The following DCDC1 variants were observed in gnomAD, a reference collection of about 807,000 sequenced individuals.
DCDC1 encodes doublecortin domain containing 1.
In DCDC1, 200 loss-of-function variants were observed where a neutral mutation model predicts 178.3. The ratio of observed to expected loss-of-function variants is 1.12; its 90% CI spans 1.00 to 1.26. DCDC1 has a LOEUF of 1.26. Ranked by LOEUF, DCDC1 falls within the 50% of genes most tolerant of loss-of-function variation. The probability of loss-of-function intolerance (pLI) is 0.00; values close to 1 mark genes in which losing one functional copy is unlikely to be tolerated. For missense variants in DCDC1, 1,983 were observed against 1,749.2 expected (o/e 1.13, Z -2.38); for synonymous variants, 690 against 604.8 (o/e 1.14, Z -2.07).
chr11:31,322,234 G>T (rs145266430), intron 3 of DCDC1, among the ~76,000 whole-genome samples: 3 of 152,098 alleles, frequency 2.0e-5, no homozygotes, highest in Non-Finnish European at 4.4e-5. Flanking sequence ...TTATGACAGC[G>T]TGCAAAAATG....
chr11:30,895,667 C>T (rs273567), intron 34 of DCDC1, among the ~76,000 whole-genome samples: 87,274 of 151,948 alleles, frequency 0.57, 27,003 homozygotes, highest in Middle Eastern at 0.76. Flanking sequence ...CCCTAATAAG[C>T]ATTTATATGC....
At chr11:30,889,911 A>G (rs1364038074) in intron 36 of DCDC1, among the ~76,000 whole-genome samples, 1 of 152,240 alleles carries the variant, frequency 6.6e-6, no homozygotes, top group African/African-American at 2.4e-5. Context: ...ATTCGAAGAT[A>G]GAGCCTTTAA....
intron 26 of DCDC1, 30 bp from the exon 27 acceptor site, chr11:30,915,741 G>T (rs747768807): frequency 1.3e-6 from 2 of 1,588,050 alleles, no homozygotes; most frequent in South Asian, 2.3e-5. Flanking sequence ...ATTAGTGGCA[G>T]AAAAATGTCC....
intron 37 of DCDC1, among the ~76,000 whole-genome samples, chr11:30,879,559 T>C (rs1342494334): frequency 6.6e-6 from 1 of 152,104 alleles, no homozygotes; most frequent in Non-Finnish European, 1.5e-5. Context: ...GAAGGTAACA[T>C]GGGGAACCTA....
intron 11 of DCDC1, among the ~76,000 whole-genome samples, chr11:31,116,891 GA>G (rs1444028452): frequency 6.6e-6 from 1 of 151,746 alleles, no homozygotes; most frequent in Non-Finnish European, 1.5e-5. Context: ...TTTAAGCCCA[GA>G]AAAGGCATAC....
intron 1 of DCDC1, among the ~76,000 whole-genome samples, chr11:31,343,291 G>T (rs1282608498): frequency 6.6e-6 from 1 of 152,036 alleles, no homozygotes; most frequent in Non-Finnish European, 1.5e-5. Context: ...GCACTCCAAC[G>T]TGGGTGTCAG....
Position 31,293,584 on chromosome 11 carries a change from C to G in DCDC1, c.755-2732G>C, listed in dbSNP as rs189690677. On this transcript the variant is annotated intron_variant, in intron 6 of 38. Coordinates refer to ENST00000684477, the MANE Select transcript of DCDC1 (RefSeq NM_001387274.1). ...ATACTTCACTCACCCAACTGTAGTC[C>G]CAGCCCTGGCTGAAACTGTCTCTTT... Among the ~76,000 whole-genome samples the G allele has an allele frequency of 7.6e-4, 115 of 152,068 alleles. 1 individual carries two copies. The highest frequency in any genetic ancestry group is 6.8e-3 in the Middle Eastern group (2 of 294).
At chr11:31,310,403 C>T (rs1008958706) in intron 3 of DCDC1, among the ~76,000 whole-genome samples, 24 of 132,872 alleles carry the variant, frequency 1.8e-4, no homozygotes, top group African/African-American at 6.1e-4. Flanking sequence ...ACTGCAACAT[C>T]TGCCTCCCAG....
intron 9 of DCDC1, among the ~76,000 whole-genome samples, chr11:31,202,436 T>C (rs532771636): frequency 6.7e-6 from 1 of 149,268 alleles, no homozygotes; most frequent in Admixed American, 6.7e-5. Flanking sequence ...TTGACTGTGG[T>C]GGCATTTGCT....
intron 9 of DCDC1, among the ~76,000 whole-genome samples, chr11:31,235,053 C>G (rs758929816): frequency 6.6e-6 from 1 of 151,908 alleles, no homozygotes; most frequent in Non-Finnish European, 1.5e-5. Flanking sequence ...ATATTTCTAC[C>G]CAATATGATT....
chr11:31,130,331 C>T (rs1962265782), intron 10 of DCDC1, among the ~76,000 whole-genome samples: 2 of 152,098 alleles, frequency 1.3e-5, no homozygotes, highest in Admixed American at 1.3e-4. Flanking sequence ...CATCAGAATT[C>T]CTATGTGATT....
chr11:30,899,677 A>G, intron 33 of DCDC1, 35 bp from the exon 34 acceptor site: 1 of 1,413,168 alleles, frequency 7.1e-7, no homozygotes, highest in Non-Finnish European at 9.4e-7. Context: ...TTTTATCAAC[A>G]GTAATTTATC....
At chr11:31,044,659 C>T (rs1379770866) in intron 20 of DCDC1, among the ~76,000 whole-genome samples, 2 of 151,940 alleles carry the variant, frequency 1.3e-5, no homozygotes, top group Non-Finnish European at 2.9e-5. Context: ...TGAATTTGAC[C>T]AACACACTGG....
At position 30,922,547 on chromosome 11, in the gene DCDC1, T is replaced by C; in HGVS notation, c.3089A>G (p.Asp1030Gly). ...KQIFLRNLES[D>G]IAKIQIFCST... ...GCAGAAGATTTGAATTTTGGCAATG[T>C]CTGATTCTAGGTTCCTCAGGAATAT... is the stretch of plus-strand genomic sequence containing the variant. Residue 1030 changes from aspartate (D) to glycine (G), a missense_variant, in exon 24 of 39, where the codon GAC becomes GGC. Physicochemically the swap from Asp to Gly is moderately conservative, Grantham distance 94. Coordinates refer to ENST00000684477, the MANE Select transcript of DCDC1 (RefSeq NM_001387274.1). The C allele has an allele frequency of 6.3e-7, 1 of 1,583,494 alleles. No individual in the cohort carries two copies. Among genetic ancestry groups the C allele is most frequent in the Non-Finnish European group, 8.6e-7 (1 of 1,169,312 alleles).
chr11:30,962,648 C>T (rs528125251), intron 20 of DCDC1, among the ~76,000 whole-genome samples: 4 of 151,978 alleles, frequency 2.6e-5, no homozygotes, highest in Non-Finnish European at 4.4e-5. Flanking sequence ...GCCAGTAGTA[C>T]ATATATATTT....
intron 14 of DCDC1, among the ~76,000 whole-genome samples, chr11:31,102,562 T>C (rs1488446033): frequency 6.6e-6 from 1 of 152,152 alleles, no homozygotes; most frequent in African/African-American, 2.4e-5. Flanking sequence ...TCTCTGTATT[T>C]GCCTTCTACT....
At chr11:31,115,981 T>TTGGGGGGGGGG (rs1555066669) in intron 11 of DCDC1, among the ~76,000 whole-genome samples, 1 of 38,092 alleles carries the variant, frequency 2.6e-5, no homozygotes, top group African/African-American at 6.5e-5. Context: ...GCTGTGGCAG[T>TTGGGGGGGGGG]GGGGGGGGGG....
At chr11:31,170,214 G>C (rs1191179765) in intron 9 of DCDC1, among the ~76,000 whole-genome samples, 1 of 152,198 alleles carries the variant, frequency 6.6e-6, no homozygotes, top group East Asian at 1.9e-4. Context: ...GCTTAGCTGA[G>C]CTAGGACAGG....
chr11:31,264,045 C>T (rs1237446268), intron 8 of DCDC1, among the ~76,000 whole-genome samples: 1 of 152,026 alleles, frequency 6.6e-6, no homozygotes, highest in Non-Finnish European at 1.5e-5. Flanking sequence ...TTTTTTCTTG[C>T]CTGAAGATGA....
Sources: allele counts gnomAD v4.1 joint callset (sites outside exome capture counted in the v4.1 genomes callset), GRCh38; gene constraint gnomAD v4.1.1; transcripts MANE v1.5; gene names NCBI Gene and HGNC (gene_info 2026-07-23, HGNC 2026-07-21).